The following RIPOR3 variants were observed in gnomAD, a reference collection of about 807,000 sequenced individuals.
RIPOR3 encodes RIPOR family member 3.
A neutral mutation model predicts 114.3 loss-of-function variants in RIPOR3; 95 were observed. The ratio of observed to expected loss-of-function variants is 0.83; its 90% CI spans 0.70 to 0.99. The LOEUF is 0.99. Among genes scored for constraint, RIPOR3 ranks in the 50% least tolerant of loss-of-function variants. The pLI, the probability that RIPOR3 is intolerant of heterozygous loss-of-function variation, is 0.00. For synonymous variants in RIPOR3, 575 were observed against 543.8 expected (o/e 1.06, Z -0.80); for missense variants, 1,252 against 1,266.9 (o/e 0.99, Z 0.18).
chr20:50,631,906 G>T (rs1403321860), intron 1 of RIPOR3, among the ~76,000 whole-genome samples: 5 of 152,160 alleles, frequency 3.3e-5, no homozygotes, highest in African/African-American at 1.2e-4. Flanking sequence ...CTTTGCCAGG[G>T]TGGTGTCAAT....
chr20:50,604,097 G>A (rs1340172877), intron 12 of RIPOR3, among the ~76,000 whole-genome samples: 4 of 151,886 alleles, frequency 2.6e-5, no homozygotes, highest in African/African-American at 7.3e-5. Flanking sequence ...CAGGAGAATC[G>A]CTTGAACCTG....
At position 50,691,197 on chromosome 20, in the gene RIPOR3, C is replaced by T. The variant is rs560870352; in HGVS notation, c.-69G>A. ...GCAGCTGCCTCACTTTCCCTATTGC[C>T]GCCAGCAAGCGTCTGCTCCCATCTG... is the stretch of plus-strand genomic sequence containing the variant. On this transcript the variant is annotated 5_prime_UTR_variant, in exon 1 of 22. Transcript: ENST00000327979. 158 of 1,289,298 alleles carry T rather than the reference C, an allele frequency of 1.2e-4. No homozygotes were observed. The highest frequency in any genetic ancestry group is 1.5e-4 in the Non-Finnish European group (152 of 988,756). 79.9% of individuals were successfully genotyped at this position (1,289,298 alleles called of 1,614,324 possible).
In RIPOR3 at chr20:50,637,780, C is replaced by T. The variant is rs566481000; in HGVS notation, c.4-6924G>A. On this transcript the variant is annotated intron_variant, in intron 1 of 21. Transcript: ENST00000327979. ...ATCCCAGCTACTCAGGAGGCTGAAG[C>T]GGGAGAATTGCTTGAACCCAGGAAG... is the stretch of plus-strand genomic sequence containing the variant. Among the ~76,000 whole-genome samples, 333 of 152,064 alleles carry T rather than the reference C, an allele frequency of 2.2e-3. 3 individuals carry two copies. The highest frequency in any genetic ancestry group is 7.6e-3 in the African/African-American group (317 of 41,480).
chr20:50,655,196 G>C (rs538691294), intron 1 of RIPOR3, among the ~76,000 whole-genome samples: 1 of 152,304 alleles, frequency 6.6e-6, no homozygotes, highest in East Asian at 1.9e-4. Context: ...TTGTCTCCAG[G>C]ACTAAGAGAA....
intron 20 of RIPOR3, among the ~76,000 whole-genome samples, chr20:50,588,135 G>A (rs553152340): frequency 3.3e-5 from 5 of 152,354 alleles, no homozygotes; most frequent in South Asian, 2.1e-4. Flanking sequence ...AGCAGAACTC[G>A]TCATCCTGGA....
chr20:50,673,877 G>C (rs1007984517), intron 1 of RIPOR3, among the ~76,000 whole-genome samples: 3 of 152,136 alleles, frequency 2.0e-5, no homozygotes, highest in East Asian at 1.9e-4. Context: ...TCTTGATGAT[G>C]AATAAATCAC....
At chr20:50,632,030 C>T (rs1165799538) in intron 1 of RIPOR3, among the ~76,000 whole-genome samples, 2 of 152,242 alleles carry the variant, frequency 1.3e-5, no homozygotes, top group East Asian at 3.9e-4. Context: ...CCCCCAGGGG[C>T]CAAGTCCACC....
chr20:50,602,757 G>T lies in RIPOR3; in HGVS notation c.1087-113C>A. 2.6e-6 allele frequency: 2 copies of T among 769,872 alleles called. No homozygotes were observed. Among genetic ancestry groups the T allele is most frequent in the Non-Finnish European group, 3.6e-6 (2 of 548,956 alleles). 47.7% of individuals were successfully genotyped at this position (769,872 alleles called of 1,614,324 possible). ...CTGTGCATGCCCATGTTCTCAGGAT[G>T]ACTGAGGCCTGCCGAGGTGACCAGC... On this transcript the variant is annotated intron_variant, in intron 12 of 21. Transcript: ENST00000327979. The surrounding 1 kb of genome is among the most constrained non-coding windows in gnomAD (Gnocchi z 4.3).
In RIPOR3 at chr20:50,592,541, G is replaced by C. The variant is rs753642463; in HGVS notation, c.2380C>G (p.Leu794Val). Residue 794 changes from leucine (L) to valine (V), a missense_variant, in exon 19 of 22, where the codon CTC becomes GTC. By Grantham distance (32) the Leu-to-Val change is conservative. Coordinates refer to ENST00000327979, the MANE Select transcript of RIPOR3 (RefSeq NM_001290268.2). ...CCCGCACAGTGAAGCTCCTCGATGA[G>C]TGTCACTAGAAGACAGGAAAGAGGT... ...HFTQLTKEVTLIEELHCAGQA... is the reference protein window; with the variant it reads ...HFTQLTKEVTVIEELHCAGQA... 1 of 1,553,324 alleles carries C rather than the reference G, an allele frequency of 6.4e-7. No individual in the cohort carries two copies. Among genetic ancestry groups the C allele is most frequent in the South Asian group, 1.2e-5 (1 of 83,886 alleles).
chr20:50,609,467 G>A (rs1010780604), intron 7 of RIPOR3, 106 bp downstream of exon 7: 5 of 1,479,944 alleles, frequency 3.4e-6, no homozygotes, highest in East Asian at 2.5e-5. Flanking sequence ...CCTCCTTGGG[G>A]CCCAGAACAC....
In RIPOR3 at chr20:50,604,739, C is replaced by T. The variant is rs1056020851; in HGVS notation, c.992G>A (p.Ser331Asn). The T allele has an allele frequency of 3.1e-6, 5 of 1,607,670 alleles. No homozygotes were observed. The African/African-American group carries it at 5.4e-5, about 17-fold the overall frequency. Residue 331 changes from serine to asparagine, a missense_variant, in exon 12 of 22, where the codon AGC (serine) becomes AAC (asparagine). Physicochemically the swap from Ser to Asn is conservative, Grantham distance 46. Coordinates refer to ENST00000327979, the MANE Select transcript of RIPOR3 (RefSeq NM_001290268.2). Reference sequence around the variant, plus strand: ...GCCCATAGAAAACTTGCCCGTGGGGCTGGGTGACACCAGGAAGCTCTCAGT... The same window carrying T: ...GCCCATAGAAAACTTGCCCGTGGGGTTGGGTGACACCAGGAAGCTCTCAGT... ...FDTESFLVSPSPTGKFSMGSR... is the reference protein window; with the variant it reads ...FDTESFLVSPNPTGKFSMGSR...
At chr20:50,647,478 C>CTTTTT (rs942940961) in intron 1 of RIPOR3, among the ~76,000 whole-genome samples, 13 of 100,346 alleles carry the variant, frequency 1.3e-4, no homozygotes, top group East Asian at 3.0e-4. Flanking sequence ...GCCTCATTCT[C>CTTTTT]TTTTTTTTTT....
intron 11 of RIPOR3, among the ~76,000 whole-genome samples, chr20:50,605,931 T>G (rs1421870419): frequency 6.6e-6 from 1 of 151,936 alleles, no homozygotes; most frequent in Non-Finnish European, 1.5e-5. Flanking sequence ...AGGCTGGGCG[T>G]GGTGGCTCAT....
chr20:50,591,642 T>G (rs1269499575), intron 19 of RIPOR3, among the ~76,000 whole-genome samples: 2 of 152,228 alleles, frequency 1.3e-5, no homozygotes, highest in Non-Finnish European at 2.9e-5. Flanking sequence ...TCACCCTTCC[T>G]GAACCCCTCA....
intron 1 of RIPOR3, chr20:50,660,209 CT>C (rs1383741396): frequency 3.9e-5 from 6 of 152,220 alleles, no homozygotes; most frequent in South Asian, 2.1e-4. Flanking sequence ...CTGAAACCCA[CT>C]CTACTTGTCT....
intron 3 of RIPOR3, among the ~76,000 whole-genome samples, chr20:50,617,773 G>A (rs1222690218): frequency 6.6e-6 from 1 of 151,496 alleles, no homozygotes; most frequent in Non-Finnish European, 1.5e-5. Context: ...TTGCAGGCAT[G>A]CCCCACCACG....
chr20:50,606,253 C>A (rs2083710456), intron 11 of RIPOR3, among the ~76,000 whole-genome samples: 1 of 152,172 alleles, frequency 6.6e-6, no homozygotes, highest in Admixed American at 6.5e-5. Context: ...CCCTGAGGGC[C>A]CTTAGCCAGA....
intron 11 of RIPOR3, 45 bp downstream of exon 11, chr20:50,608,344 G>A (rs752958949): frequency 6.2e-7 from 1 of 1,609,800 alleles, no homozygotes. Context: ...GCCACCAGGG[G>A]CAGCCAGCCA....
intron 17 of RIPOR3, 104 bp from the exon 18 acceptor site, chr20:50,593,300 C>A (rs1601444033): frequency 1.5e-6 from 2 of 1,313,592 alleles, no homozygotes; most frequent in East Asian, 5.0e-5. Flanking sequence ...GGGCCGGGCG[C>A]AGTGGCTCGC....
Sources: gnomAD v4.1 joint callset for allele counts (sites outside exome capture counted in the v4.1 genomes callset) on GRCh38, gnomAD v4.1.1 for gene constraint, Gnocchi (gnomAD v3.1) non-coding constraint, MANE v1.5 for transcripts, NCBI Gene and HGNC (gene_info 2026-07-23, HGNC 2026-07-21) for gene names.